The following TRAF2 variants were observed in gnomAD, a reference collection of about 807,000 sequenced individuals.
The protein encoded by TRAF2 is TNF receptor-associated factor 2.
A neutral mutation model predicts 55.6 loss-of-function variants in TRAF2; 6 were observed. The observed-to-expected ratio is 0.11, with a 90% CI of 0.06 to 0.21. The LOEUF (loss-of-function observed/expected upper bound fraction) is 0.21, where lower values mean the gene tolerates loss of function less well. Among genes scored for constraint, TRAF2 ranks in the 10% least tolerant of loss-of-function variants. The pLI, the probability that TRAF2 is intolerant of heterozygous loss-of-function variation, is 1.00. For missense variants in TRAF2, 561 were observed against 684.5 expected, an observed-to-expected ratio of 0.82 and a Z score of 2.01; for synonymous variants, 329 against 276.3, an observed-to-expected ratio of 1.19 and a Z score of -1.89.
chr9:136,892,900 A>G (rs778241068), intron 1 of TRAF2, among the ~76,000 whole-genome samples: 17 of 152,216 alleles, frequency 1.1e-4, no homozygotes, highest in South Asian at 4.1e-4. Flanking sequence ...ATAAACCATT[A>G]GTGGCTCATG....
At chr9:136,902,771 C>T (rs929558580) in intron 4 of TRAF2, among the ~76,000 whole-genome samples, 1 of 152,186 alleles carries the variant, frequency 6.6e-6, no homozygotes, top group Non-Finnish European at 1.5e-5. Context: ...CTCTGCCCCT[C>T]GGAGCCGCCT....
chr9:136,921,708 T>TTA (rs1554782208), intron 9 of TRAF2, among the ~76,000 whole-genome samples: 22 of 151,318 alleles, frequency 1.5e-4, no homozygotes, highest in Non-Finnish European at 2.2e-4. Context: ...TTTTTTTTTT[T>TTA]AAACCCCAAC....
intron 9 of TRAF2, among the ~76,000 whole-genome samples, chr9:136,923,503 C>G (rs1000220433): frequency 6.7e-6 from 1 of 150,130 alleles, no homozygotes; most frequent in Non-Finnish European, 1.5e-5. Context: ...CTCAGCTACT[C>G]AGGAGGCTGA....
upstream of TRAF2, chr9:136,882,151 G>A (rs1390783744): frequency 9.1e-6 from 6 of 661,980 alleles, no homozygotes; most frequent in Middle Eastern, 7.8e-4. Context: ...GGGCTCTGTC[G>A]TCCCAAGACC....
chr9:136,892,094 C>T (rs775778878), intron 1 of TRAF2, among the ~76,000 whole-genome samples: 25 of 152,114 alleles, frequency 1.6e-4, no homozygotes, highest in South Asian at 6.2e-4. Context: ...GGCATGACTG[C>T]ACTCATAGGG....
chr9:136,902,413 C>T (rs1296478746), intron 4 of TRAF2: 2 of 152,316 alleles, frequency 1.3e-5, no homozygotes, highest in Non-Finnish European at 2.9e-5. Flanking sequence ...TAATAGTTTC[C>T]AGCTCTGCAC....
intron 4 of TRAF2, among the ~76,000 whole-genome samples, chr9:136,906,409 TCA>T (rs893537082): frequency 6.6e-6 from 1 of 152,102 alleles, no homozygotes; most frequent in African/African-American, 2.4e-5. Context: ...AAGGCACGTC[TCA>T]CATGGCAGCA....
intron 10 of TRAF2, among the ~76,000 whole-genome samples, chr9:136,924,885 T>TGA (rs1850486208): frequency 6.6e-6 from 1 of 151,664 alleles, no homozygotes; most frequent in African/African-American, 2.4e-5. Context: ...ACTACAGGCA[T>TGA]GCACCACCAC....
intron 8 of TRAF2, among the ~76,000 whole-genome samples, 153 bp downstream of exon 8, chr9:136,920,668 G>A (rs1850363022): frequency 6.6e-6 from 1 of 152,192 alleles, no homozygotes; most frequent in Non-Finnish European, 1.5e-5. Context: ...TTTAGGGGAG[G>A]CTCTGGCCCC....
rs563335825 is a variant in TRAF2, at chr9:136,923,277, ATCT to A, written c.1139-570_1139-568del. On this transcript the variant is annotated intron_variant, in intron 9 of 10. Coordinates refer to ENST00000247668, the MANE Select transcript of TRAF2 (RefSeq NM_021138.4). ...TGGATCTCGCCATGTGGCTCTGCTC[ATCT>A]TCTTAAGTTTTGGGGGTTACATTTG... 2.0e-4 allele frequency among the ~76,000 whole-genome samples: 30 copies of A among 152,216 alleles called. 2 individuals carry two copies. Among genetic ancestry groups the A allele is most frequent in the Middle Eastern group, 3.4e-3 (1 of 294 alleles).
At chr9:136,920,597 T>G in intron 8 of TRAF2, 82 bp downstream of exon 8, 1 of 1,475,580 alleles carries the variant, frequency 6.8e-7, no homozygotes, top group South Asian at 1.4e-5. Flanking sequence ...TTCTAGCAGG[T>G]CCTGGAGCTT....
chr9:136,898,866 C>T lies in TRAF2; in HGVS notation c.126C>T (p.Arg42=). 2 of 1,613,254 alleles carry T rather than the reference C, an allele frequency of 1.2e-6. No individual in the cohort carries two copies. The highest frequency in any genetic ancestry group is 1.7e-6 in the Non-Finnish European group (2 of 1,179,886). Residue 42 remains arginine, a synonymous_variant, in exon 2 of 11, where the codon CGC becomes CGT. Coordinates refer to ENST00000247668, the MANE Select transcript of TRAF2 (RefSeq NM_021138.4). ...YLCSACRNVL[R]RPFQAQCGHR... is the part of the protein sequence containing the mutation. ...GCTCCGCCTGCAGAAACGTCCTCCGCAGGCCCTTCCAGGCGCAGTGTGGCC... is the reference window on the plus strand; with the variant it reads ...GCTCCGCCTGCAGAAACGTCCTCCGTAGGCCCTTCCAGGCGCAGTGTGGCC...
intron 10 of TRAF2, among the ~76,000 whole-genome samples, chr9:136,925,154 C>T (rs889630969): frequency 6.6e-6 from 1 of 152,242 alleles, no homozygotes; most frequent in Admixed American, 6.5e-5. Context: ...TTCCCCCACC[C>T]CCTATAGCTA....
intron 6 of TRAF2, 149 bp downstream of exon 6, chr9:136,910,143 G>GT (rs1176868815): frequency 2.9e-5 from 25 of 852,148 alleles, no homozygotes; most frequent in Non-Finnish European, 4.3e-5. Flanking sequence ...TCATGGATGC[G>GT]TTCAGGGTGG....
At chr9:136,886,686 G>GT in intron 1 of TRAF2, 145 bp downstream of exon 1, 1 of 450,868 alleles carries the variant, frequency 2.2e-6, no homozygotes, top group Non-Finnish European at 2.9e-6. Flanking sequence ...AGGCCGCGGG[G>GT]CGGGGGCGGG....
chr9:136,905,609 A>G (rs539261370), intron 4 of TRAF2, among the ~76,000 whole-genome samples: 7 of 152,228 alleles, frequency 4.6e-5, no homozygotes, highest in Non-Finnish European at 7.3e-5. Context: ...TATGTTTATC[A>G]TGATTGAAGA....
intron 6 of TRAF2, among the ~76,000 whole-genome samples, chr9:136,910,445 G>GT (rs1850077200): frequency 6.6e-6 from 1 of 152,180 alleles, no homozygotes; most frequent in Non-Finnish European, 1.5e-5. Flanking sequence ...TTTGTCCCTG[G>GT]TGTCCTTACT....
At chr9:136,924,609 G>T (rs1276101861) in intron 10 of TRAF2, among the ~76,000 whole-genome samples, 1 of 152,100 alleles carries the variant, frequency 6.6e-6, no homozygotes, top group East Asian at 1.9e-4. Context: ...AAGTTTGGGG[G>T]TGCCCAGCTT....
At chr9:136,897,821 G>C (rs1278323922) in intron 1 of TRAF2, among the ~76,000 whole-genome samples, 1 of 143,880 alleles carries the variant, frequency 7.0e-6, no homozygotes, top group Admixed American at 6.9e-5. Context: ...GGGCTGGAGG[G>C]GAACCCGTGG....
Sources: gnomAD v4.1 joint callset for allele counts (sites outside exome capture counted in the v4.1 genomes callset) on GRCh38, gnomAD v4.1.1 for gene constraint, MANE v1.5 for transcripts, NCBI Gene and HGNC (gene_info 2026-07-23, HGNC 2026-07-21) for gene names.